Variants in IL4 observed in about 807,000 individuals in gnomAD.
The protein encoded by IL4 is interleukin 4.
In IL4, 10 loss-of-function variants were observed where a neutral mutation model predicts 17.4. The ratio of observed to expected loss-of-function variants is 0.57; its 90% confidence interval spans 0.35 to 0.97. The LOEUF (loss-of-function observed/expected upper bound fraction) is 0.97, where lower values mean the gene tolerates loss of function less well. Ranked by LOEUF, IL4 falls within the 50% of genes least tolerant of loss-of-function variation. IL4 has a pLI of 0.01. For missense variants in IL4, 174 were observed against 187.7 expected, an observed-to-expected ratio of 0.93 and a Z score of 0.43; for synonymous variants, 87 against 79.0, an observed-to-expected ratio of 1.10 and a Z score of -0.54.
rs145034998 is a variant in IL4, at chr5:132,679,264, C to G, written c.184-450C>G. ...AGGCATGCAGGATTTCCAGGGAAAG[C>G]TGGATTTTAAAACCTCTGGGAACAA... On this transcript the variant is annotated intron_variant, in intron 2 of 3. Coordinates refer to ENST00000231449, the MANE Select transcript of IL4 (RefSeq NM_000589.4). Among the ~76,000 whole-genome samples the G allele has an allele frequency of 1.1e-4, 16 of 152,292 alleles. No homozygotes were observed. The East Asian group carries it at 2.9e-3, about 28-fold the overall frequency.
rs774243212 is a variant in IL4, at chr5:132,674,039, C to T, written c.-12C>T. On this transcript the variant is annotated 5_prime_UTR_variant, in exon 1 of 4. Coordinates refer to ENST00000231449, the MANE Select transcript of IL4 (RefSeq NM_000589.4). ...ATTGCCTCACATTGTCACTGCAAAT[C>T]GACACCTATTAATGGGTCTCACCTC... 4 of 1,613,314 alleles carry T rather than the reference C, an allele frequency of 2.5e-6. No homozygotes were observed. The highest frequency in any genetic ancestry group is 2.2e-5 in the East Asian group (1 of 44,868).
At position 132,680,535 on chromosome 5, in the gene IL4, GGTCA is replaced by G. The variant is rs1339204151; in HGVS notation, c.360+649_360+652del. 1.3e-5 allele frequency among the ~76,000 whole-genome samples: 2 copies of G among 152,162 alleles called. No individual in the cohort carries two copies. The highest frequency in any genetic ancestry group is 4.8e-5 in the African/African-American group (2 of 41,432). ...CAATCTGATTTACGTGATTTAAAAG[GGTCA>G]GTCTGGCTACTGTGTGGTAAATAGG... On this transcript the variant is annotated intron_variant, in intron 3 of 3. Coordinates refer to ENST00000231449, the MANE Select transcript of IL4 (RefSeq NM_000589.4). This position sits in a 1 kb window ranked among gnomAD's most constrained non-coding sequence, Gnocchi z 4.3.
intron 2 of IL4, among the ~76,000 whole-genome samples, chr5:132,678,488 A>G (rs1037239503): frequency 2.0e-5 from 3 of 152,230 alleles, no homozygotes; most frequent in African/African-American, 7.2e-5. Flanking sequence ...TAGTAAATAT[A>G]TGTTATCTTG....
intron 2 of IL4, among the ~76,000 whole-genome samples, chr5:132,676,502 C>T (rs536671541): frequency 6.6e-6 from 1 of 152,038 alleles, no homozygotes; most frequent in Non-Finnish European, 1.5e-5. Flanking sequence ...GTCCTTAACT[C>T]CCCTCTTCAC....
At chr5:132,676,013 C>T (rs1435842787) in intron 2 of IL4, among the ~76,000 whole-genome samples, 2 of 151,108 alleles carry the variant, frequency 1.3e-5, no homozygotes, top group Admixed American at 6.6e-5. Context: ...CAAGAGTCCA[C>T]CGGGTTGAGC....
Position 132,680,900 on chromosome 5 carries a change from C to T in IL4, c.360+1010C>T, listed in dbSNP as rs1057163716. 2.0e-5 allele frequency among the ~76,000 whole-genome samples: 3 copies of T among 152,188 alleles called. No individual in the cohort carries two copies. The highest frequency in any genetic ancestry group is 7.2e-5 in the African/African-American group (3 of 41,446). On this transcript the variant is annotated intron_variant, in intron 3 of 3. Transcript: ENST00000231449. The surrounding 1 kb of genome is among the most constrained non-coding windows in gnomAD (Gnocchi z 4.3). ...TAAGATACAGGGGAGGAAAAGATGACCTCTTTGTTCCTGCCCAAACCCCTC... is the reference window on the plus strand; with the variant it reads ...TAAGATACAGGGGAGGAAAAGATGATCTCTTTGTTCCTGCCCAAACCCCTC...
chr5:132,680,170 G>A lies in IL4; in HGVS notation c.360+280G>A, dbSNP rs1240858669. 6.6e-6 allele frequency among the ~76,000 whole-genome samples: 1 copy of A among 152,128 alleles called. No individual in the cohort carries two copies. Among genetic ancestry groups the A allele is most frequent in the East Asian group, 1.9e-4 (1 of 5,198 alleles). On this transcript the variant is annotated intron_variant, in intron 3 of 3. Coordinates refer to ENST00000231449, the MANE Select transcript of IL4 (RefSeq NM_000589.4). The surrounding 1 kb of genome is among the most constrained non-coding windows in gnomAD (Gnocchi z 4.3). ...GTAAAATGATGGCCAGCAGTGATAC[G>A]TGCTACAAAGAAAAACATAGAAATA...
chr5:132,678,327 A>T (rs1032992973), intron 2 of IL4, among the ~76,000 whole-genome samples: 1 of 152,266 alleles, frequency 6.6e-6, no homozygotes, highest in Non-Finnish European at 1.5e-5. Flanking sequence ...TGTAAAGAGT[A>T]AAGAAGTTAC....
At chr5:132,676,589 C>T (rs1233396360) in intron 2 of IL4, among the ~76,000 whole-genome samples, 1 of 152,200 alleles carries the variant, frequency 6.6e-6, no homozygotes, top group Non-Finnish European at 1.5e-5. Context: ...TCACTCTTAC[C>T]CGTCTCATTT....
rs199513107 is a variant in IL4 at position 132,673,992 on chromosome 5, G to A, written c.-59G>A. On this transcript the variant is annotated 5_prime_UTR_variant, in exon 1 of 4. Coordinates refer to ENST00000231449, the MANE Select transcript of IL4 (RefSeq NM_000589.4). ...GAGATATCTTTGTCAGCATTGCATCGTTAGCTTCTCCTGATAAACTAATTG... is the reference window on the plus strand; with the variant it reads ...GAGATATCTTTGTCAGCATTGCATCATTAGCTTCTCCTGATAAACTAATTG... 65 of 1,519,608 alleles carry A rather than the reference G, an allele frequency of 4.3e-5. No individual in the cohort carries two copies. Among genetic ancestry groups the A allele is most frequent in the East Asian group, 6.8e-5 (3 of 43,942 alleles). 94.1% of individuals were successfully genotyped at this position (1,519,608 alleles called of 1,614,324 possible). A position where few individuals can be genotyped will look rare whatever the true frequency, so the allele number is the denominator to read the frequency against.
chr5:132,679,909 C>T lies in IL4; in HGVS notation c.360+19C>T. ...GGGCTTGGTAAGCTGCACTGTATTCCTGGCAAGCCGGCCGCGTGGCTCCTG... is the reference window on the plus strand; with the variant it reads ...GGGCTTGGTAAGCTGCACTGTATTCTTGGCAAGCCGGCCGCGTGGCTCCTG... On this transcript the variant is annotated intron_variant, in intron 3 of 3. Coordinates refer to ENST00000231449, the MANE Select transcript of IL4 (RefSeq NM_000589.4). 6.3e-7 allele frequency: 1 copy of T among 1,594,024 alleles called. No homozygotes were observed. The highest frequency in any genetic ancestry group is 8.6e-7 in the Non-Finnish European group (1 of 1,169,372).
At chr5:132,675,927 A>ATGTG (rs1338820933) in intron 2 of IL4, among the ~76,000 whole-genome samples, 20 of 41,054 alleles carry the variant, frequency 4.9e-4, no homozygotes, top group Middle Eastern at 7.5e-3. Context: ...ATGTGTATGT[A>ATGTG]TATGTGTGTG....
intron 3 of IL4, among the ~76,000 whole-genome samples, chr5:132,681,722 T>A (rs1337766070): frequency 6.6e-6 from 1 of 152,072 alleles, no homozygotes; most frequent in Non-Finnish European, 1.5e-5. Context: ...CCAGAGTGGA[T>A]GTTATCTAAT....
chr5:132,678,391 C>T (rs538383096), intron 2 of IL4, among the ~76,000 whole-genome samples: 10 of 152,088 alleles, frequency 6.6e-5, no homozygotes, highest in Non-Finnish European at 1.2e-4. Context: ...AAAAGTGTGA[C>T]GATATTTACC....
chr5:132,681,878 T>C (rs1752495173), intron 3 of IL4, among the ~76,000 whole-genome samples: 1 of 152,188 alleles, frequency 6.6e-6, no homozygotes, highest in African/African-American at 2.4e-5. Context: ...CTCCATTATC[T>C]TATGAAGCAG....
chr5:132,674,994 A>G (rs978843410), intron 2 of IL4, among the ~76,000 whole-genome samples: 1 of 152,182 alleles, frequency 6.6e-6, no homozygotes, highest in Non-Finnish European at 1.5e-5. Flanking sequence ...TGGCCACCTA[A>G]CAGCCCTCTG....
Position 132,674,083 on chromosome 5 carries a change from G to C in IL4, c.33G>C (p.Leu11=). The C allele has an allele frequency of 1.2e-6, 2 of 1,614,120 alleles. No individual in the cohort carries two copies. Among genetic ancestry groups the C allele is most frequent in the Non-Finnish European group, 1.7e-6 (2 of 1,180,024 alleles). MGLTSQLLPP[L]FFLLACAGNF... is the part of the protein sequence containing the mutation. ...TCACCTCCCAACTGCTTCCCCCTCT[G>C]TTCTTCCTGCTAGCATGTGCCGGCA... is the stretch of plus-strand genomic sequence containing the variant. Residue 11 remains leucine, a synonymous_variant, in exon 1 of 4, where the codon CTG becomes CTC. Coordinates refer to ENST00000231449, the MANE Select transcript of IL4 (RefSeq NM_000589.4).
chr5:132,674,462 CTG>C lies in IL4; in HGVS notation c.142_143del (p.Cys48HisfsTer17). 1 of 1,614,144 alleles carries C rather than the reference CTG, an allele frequency of 6.2e-7. No individual in the cohort carries two copies. Among genetic ancestry groups the C allele is most frequent in the Non-Finnish European group, 8.5e-7 (1 of 1,179,948 alleles). On this transcript the variant is annotated frameshift_variant, in exon 2 of 4. Transcript: ENST00000231449. LOFTEE classifies it high-confidence loss of function. Reference sequence around the variant, plus strand: ...TCTCATTTCTGCCTGGACCAAGACTCTGTGCACCGAGTTGACCGTAACAGACA... The same window carrying C: ...TCTCATTTCTGCCTGGACCAAGACTCTGCACCGAGTTGACCGTAACAGACA... ...TLNSLTEQKT[L>X]CTELTVTDIF...
intron 3 of IL4, 64 bp downstream of exon 3, chr5:132,679,954 C>A: frequency 7.3e-7 from 1 of 1,370,190 alleles, no homozygotes; most frequent in Non-Finnish European, 1.0e-6. Context: ...AGCCTCACTT[C>A]TAAACACTCC....
Sources: gnomAD v4.1 joint callset for allele counts (sites outside exome capture counted in the v4.1 genomes callset) on GRCh38, gnomAD v4.1.1 for gene constraint, Gnocchi (gnomAD v3.1) non-coding constraint, MANE v1.5 for transcripts, NCBI Gene and HGNC (gene_info 2026-07-23, HGNC 2026-07-21) for gene names.